Variants in MAN2A2 observed in about 807,000 individuals in gnomAD.
MAN2A2 encodes alpha-mannosidase 2x.
MAN2A2 carries 79 observed loss-of-function variants against 126.8 expected under a neutral mutation model. That is an observed-to-expected ratio of 0.62 (90% CI 0.52 to 0.75). The LOEUF (loss-of-function observed/expected upper bound fraction) is 0.75. Ranked by LOEUF, MAN2A2 falls within the 30% of genes least tolerant of loss-of-function variation. The probability of loss-of-function intolerance (pLI) is 0.00; values close to 1 mark genes in which losing one functional copy is unlikely to be tolerated. For missense variants in MAN2A2, 1,392 were observed against 1,522.4 expected, an observed-to-expected ratio of 0.91 and a Z score of 1.43; for synonymous variants, 671 against 618.7, an observed-to-expected ratio of 1.08 and a Z score of -1.25.
chr15:90,919,566 A>C lies in MAN2A2; in HGVS notation c.3301-69A>C, dbSNP rs954150935. On this transcript the variant is annotated intron_variant, in intron 22 of 22. Transcript: ENST00000559717. Reference sequence around the variant, plus strand: ...GATTCTTAAAGAGGTACCAAATTGTAGATGAACAGCCACATTCTTTAGTGT... The same window carrying C: ...GATTCTTAAAGAGGTACCAAATTGTCGATGAACAGCCACATTCTTTAGTGT... The C allele has an allele frequency of 1.4e-5, 22 of 1,563,298 alleles. 1 individual carries two copies. The Admixed American group carries it at 3.8e-4, about 27-fold the overall frequency.
At chr15:90,916,371 T>G in intron 20 of MAN2A2, 115 bp downstream of exon 20, 3 of 1,326,876 alleles carry the variant, frequency 2.3e-6, no homozygotes, top group Non-Finnish European at 3.1e-6. Context: ...AGAGAGAGAG[T>G]AGGGCTGAAT....
At chr15:90,915,939 C>G in intron 19 of MAN2A2, 184 bp from the exon 20 acceptor site, 1 of 591,850 alleles carries the variant, frequency 1.7e-6, no homozygotes, top group South Asian at 2.3e-5. Flanking sequence ...AATAACGGCC[C>G]AGGACGAGCC....
chr15:90,919,788 G>A lies in MAN2A2; in HGVS notation c.*1G>A, dbSNP rs764449466. The A allele has an allele frequency of 1.9e-6, 3 of 1,613,904 alleles. No homozygotes were observed. In the East Asian group the frequency reaches 6.7e-5, roughly 36 times the overall value. On this transcript the variant is annotated 3_prime_UTR_variant, in exon 23 of 23. Coordinates refer to ENST00000559717, the MANE Select transcript of MAN2A2 (RefSeq NM_006122.4). ...TACCTTTCGCCTCCGCTTGGGTTAG[G>A]GCTTCTTGTGGCCTGAAGAGAAAGT...
Position 90,921,054 on chromosome 15 carries a change from G to A in MAN2A2, c.*1267G>A, listed in dbSNP as rs1351596052. On this transcript the variant is annotated 3_prime_UTR_variant, in exon 23 of 23. Coordinates refer to ENST00000559717, the MANE Select transcript of MAN2A2 (RefSeq NM_006122.4). ...AGACGCCACAGGCATTCCCATTAAA[G>A]TCAGAAACTAGCCAAGGGCAAGCTA... The A allele has an allele frequency of 6.6e-6, 1 of 152,162 alleles. No individual in the cohort carries two copies. Among genetic ancestry groups the A allele is most frequent in the South Asian group, 2.1e-4 (1 of 4,828 alleles). 9.4% of individuals were successfully genotyped at this position (152,162 alleles called of 1,614,324 possible). A position where few individuals can be genotyped will look rare whatever the true frequency, so the allele number is the denominator to read the frequency against.
rs999952648 is a variant in MAN2A2, at chr15:90,920,878, A to G, written c.*1091A>G. On this transcript the variant is annotated 3_prime_UTR_variant, in exon 23 of 23. Coordinates refer to ENST00000559717, the MANE Select transcript of MAN2A2 (RefSeq NM_006122.4). ...AGCTTCAATTAATAGGGAAGAATTT[A>G]TGATAGCTCTATAGATGCTGAAAAG... The G allele has an allele frequency of 1.3e-5, 2 of 152,250 alleles. No homozygotes were observed. Among genetic ancestry groups the G allele is most frequent in the Non-Finnish European group, 2.9e-5 (2 of 68,048 alleles). The allele number at this position is 152,250 out of a possible 1,614,324, so 9.4% of individuals were successfully genotyped here.
At chr15:90,907,003 T>G in intron 7 of MAN2A2, 90 bp downstream of exon 7, 2 of 1,491,168 alleles carry the variant, frequency 1.3e-6, no homozygotes, top group Middle Eastern at 1.7e-4. Flanking sequence ...CCACTGTTCT[T>G]CAGAGCAGAC....
In MAN2A2 at chr15:90,904,351, C is replaced by A; in HGVS notation, c.132+12C>A. On this transcript the variant is annotated intron_variant, in intron 2 of 22. Transcript: ENST00000559717. ...GGAACTTCCCCCGGGTGAGTCGTGC[C>A]TGGTTGCTAATTTCTTTGTATACAA... The A allele has an allele frequency of 2.5e-6, 4 of 1,611,592 alleles. No homozygotes were observed. Among genetic ancestry groups the A allele is most frequent in the Non-Finnish European group, 3.4e-6 (4 of 1,178,078 alleles).
chr15:90,912,469 T>G, intron 15 of MAN2A2, 73 bp from the exon 16 acceptor site: 1 of 1,597,822 alleles, frequency 6.3e-7, no homozygotes, highest in Non-Finnish European at 8.5e-7. Context: ...GGGGAAGCTA[T>G]TCCGTGTCCT....
intron 17 of MAN2A2, 62 bp downstream of exon 17, chr15:90,913,053 T>G (rs1345418177): frequency 2.2e-6 from 3 of 1,379,700 alleles, no homozygotes; most frequent in African/African-American, 2.9e-5. Context: ...TGTGGCGTAT[T>G]CTTCCTTCTG....
At position 90,919,830 on chromosome 15, in the gene MAN2A2, C is replaced by A. The variant is rs1302415174; in HGVS notation, c.*43C>A. The A allele has an allele frequency of 6.2e-7, 1 of 1,607,658 alleles. No individual in the cohort carries two copies. Among genetic ancestry groups the A allele is most frequent in the African/African-American group, 1.3e-5 (1 of 74,820 alleles). ...AGAGAAAGTTCATTCACAGAGACTG[C>A]CTCTTAACATGAAGATCATTGGACA... On this transcript the variant is annotated 3_prime_UTR_variant, in exon 23 of 23. Coordinates refer to ENST00000559717, the MANE Select transcript of MAN2A2 (RefSeq NM_006122.4).
chr15:90,911,057 C>T, intron 12 of MAN2A2, 96 bp downstream of exon 12: 2 of 1,482,238 alleles, frequency 1.3e-6, no homozygotes, highest in Non-Finnish European at 1.9e-6. Flanking sequence ...TTTTTCCTTC[C>T]CCATCCGGAT....
At chr15:90,903,949 A>T (rs750291190) in intron 1 of MAN2A2, 1 of 530,492 alleles carries the variant, frequency 1.9e-6, no homozygotes, top group Non-Finnish European at 3.5e-6. Flanking sequence ...CGGAGCTGGG[A>T]CTCTTATCCT....
chr15:90,906,780 A>C lies in MAN2A2; in HGVS notation c.876A>C (p.Gly292=). 1 of 1,613,564 alleles carries C rather than the reference A, an allele frequency of 6.2e-7. No homozygotes were observed. Residue 292 remains glycine (G), a synonymous_variant, in exon 7 of 23, where the codon GGA becomes GGC. Transcript: ENST00000559717. Reference sequence around the variant, plus strand: ...CTGGCTGGGCAGTGGACCCCTTTGGATACAGCTCCACCATGCCTTACCTGC... The same window carrying C: ...CTGGCTGGGCAGTGGACCCCTTTGGCTACAGCTCCACCATGCCTTACCTGC... The part of the protein sequence containing the change: ...PRSGWAVDPF[G]YSSTMPYLLR...
Position 90,918,208 on chromosome 15 carries a change from C to T in MAN2A2, c.3009C>T (p.His1003=), listed in dbSNP as rs144817076. The T allele has an allele frequency of 3.7e-6, 6 of 1,613,570 alleles. No homozygotes were observed. The highest frequency in any genetic ancestry group is 1.3e-5 in the African/African-American group (1 of 75,042). Residue 1003 remains histidine, a synonymous_variant, in exon 21 of 23, where the codon CAC becomes CAT. Coordinates refer to ENST00000559717, the MANE Select transcript of MAN2A2 (RefSeq NM_006122.4). ...RTVGSEVQDS[H]STSYPSLLSH... Reference sequence around the variant, plus strand: ...CAATTTTGCAGGTCCAAGATAGCCACTCTACCAGCTACCCATCCCTCCTCA... The same window carrying T: ...CAATTTTGCAGGTCCAAGATAGCCATTCTACCAGCTACCCATCCCTCCTCA...
At chr15:90,909,599 GC>G in intron 9 of MAN2A2, 95 bp downstream of exon 9, 2 of 1,091,702 alleles carry the variant, frequency 1.8e-6, no homozygotes, top group Non-Finnish European at 2.5e-6. Context: ...CGGGCAGGGT[GC>G]CCCCCTTTTT....
intron 19 of MAN2A2, among the ~76,000 whole-genome samples, chr15:90,914,611 C>G (rs910981986): frequency 1.3e-4 from 20 of 152,180 alleles, no homozygotes; most frequent in African/African-American, 4.6e-4. Context: ...CCTCCGCCTT[C>G]CGATTTGAAG....
At chr15:90,907,013 C>G (rs2034351242) in intron 7 of MAN2A2, 100 bp downstream of exon 7, 1 of 1,419,462 alleles carries the variant, frequency 7.0e-7, no homozygotes, top group Non-Finnish European at 9.7e-7. Context: ...TCAGAGCAGA[C>G]CTGCAGGCAC....
At position 90,910,901 on chromosome 15, in the gene MAN2A2, T is replaced by C. The variant is rs750972553; in HGVS notation, c.1815T>C (p.Tyr605=). The change falls in exon 12 of 23, where the codon TAT becomes TAC. Residue 605 remains tyrosine, a synonymous_variant. Transcript: ENST00000559717. ...LKQVIIHAAH[Y]LVLGDKETYH... is the part of the protein sequence containing the mutation. The stretch of plus-strand genomic sequence containing the variant: ...AGGTCATCATTCATGCAGCCCACTA[T>C]CTGGTGCTGGGGGACAAGGAGACCT... 6.2e-7 allele frequency: 1 copy of C among 1,614,120 alleles called. No homozygotes were observed. The highest frequency in any genetic ancestry group is 1.1e-5 in the South Asian group (1 of 91,080).
chr15:90,905,885 C>G lies in MAN2A2; in HGVS notation c.576C>G (p.Thr192=), dbSNP rs2151293163. The G allele has an allele frequency of 6.9e-6, 11 of 1,592,498 alleles. No homozygotes were observed. Among genetic ancestry groups the G allele is most frequent in the Non-Finnish European group, 9.4e-6 (11 of 1,169,534 alleles). ...TTGACAAGTACTACACAGAGCAGACCCAACACATCCTCAATAGCATGGTGT... is the reference window on the plus strand; with the variant it reads ...TTGACAAGTACTACACAGAGCAGACGCAACACATCCTCAATAGCATGGTGT... ...KTFDKYYTEQ[T]QHILNSMVSK... Residue 192 remains threonine (T), a synonymous_variant, in exon 5 of 23, where the codon ACC becomes ACG. Coordinates refer to ENST00000559717, the MANE Select transcript of MAN2A2 (RefSeq NM_006122.4).
Sources: allele counts gnomAD v4.1 joint callset (sites outside exome capture counted in the v4.1 genomes callset), GRCh38; gene constraint gnomAD v4.1.1; transcripts MANE v1.5; gene names NCBI Gene and HGNC (gene_info 2026-07-23, HGNC 2026-07-21).